The following RALGPS2 variants were observed in gnomAD, a reference collection of about 807,000 sequenced individuals.
The protein encoded by RALGPS2 is ras-specific guanine nucleotide-releasing factor RalGPS2.
RALGPS2 carries 43 observed loss-of-function variants against 86.8 expected under a neutral mutation model. The observed-to-expected ratio is 0.50, with a 90% confidence interval of 0.39 to 0.64. The LOEUF (loss-of-function observed/expected upper bound fraction) is 0.64. RALGPS2 is among the 30% of genes least tolerant of loss of function. The pLI, the probability that RALGPS2 is intolerant of heterozygous loss-of-function variation, is 0.00. For synonymous variants in RALGPS2, 243 were observed against 231.3 expected (o/e 1.05, Z -0.46); for missense variants, 536 against 694.6 (o/e 0.77, Z 2.57).
At chr1:178,761,352 C>T (rs1553260221) in intron 1 of RALGPS2, among the ~76,000 whole-genome samples, 1 of 151,192 alleles carries the variant, frequency 6.6e-6, no homozygotes, top group Non-Finnish European at 1.5e-5. Flanking sequence ...TGGCGTGAAC[C>T]CAGGAGGCAG....
At position 178,918,054 on chromosome 1, in the gene RALGPS2, T is replaced by G. The variant is rs1660869786; in HGVS notation, c.*1695T>G. ...AAAAGAGAAGAGCTTTTTTTGAGTG[T>G]TAAGTTTTTTAATTTAGTATTCTGT... On this transcript the variant is annotated 3_prime_UTR_variant, in exon 20 of 20. Coordinates refer to ENST00000367635, the MANE Select transcript of RALGPS2 (RefSeq NM_152663.5). 6.6e-6 allele frequency: 1 copy of G among 152,188 alleles called. No individual in the cohort carries two copies. Among genetic ancestry groups the G allele is most frequent in the African/African-American group, 2.4e-5 (1 of 41,470 alleles). 9.4% of individuals were successfully genotyped at this position (152,188 alleles called of 1,614,324 possible).
At position 178,746,674 on chromosome 1, in the gene RALGPS2, T is replaced by C. The variant is rs2102033570; in HGVS notation, c.-84+21255T>C. The C allele has an allele frequency of 2.6e-6, 2 of 772,108 alleles. 1 individual carries two copies. The highest frequency in any genetic ancestry group is 4.9e-5 in the East Asian group (2 of 41,038). 47.8% of individuals were successfully genotyped at this position (772,108 alleles called of 1,614,324 possible). A position where few individuals can be genotyped will look rare whatever the true frequency, so the allele number is the denominator to read the frequency against. On this transcript the variant is annotated intron_variant, in intron 1 of 19. Transcript: ENST00000367635. ...TTTATAGCTGCAGAATATTCTCAAG[T>C]CATGAATATTAGGTATCTGTCAATC...
intron 4 of RALGPS2, among the ~76,000 whole-genome samples, chr1:178,803,071 C>G (rs1426591007): frequency 6.6e-6 from 1 of 152,140 alleles, no homozygotes; most frequent in Non-Finnish European, 1.5e-5. Context: ...GTGAAACTTA[C>G]ATTCATTTCT....
At chr1:178,850,371 A>G (rs1285273667) in intron 8 of RALGPS2, 1 of 152,560 alleles carries the variant, frequency 6.6e-6, no homozygotes, top group Non-Finnish European at 1.5e-5. Context: ...TATTTTGCTG[A>G]TTTTAGAACT....
intron 4 of RALGPS2, among the ~76,000 whole-genome samples, chr1:178,790,544 G>A (rs1653902819): frequency 6.6e-6 from 1 of 152,150 alleles, no homozygotes; most frequent in African/African-American, 2.4e-5. Flanking sequence ...CTTAACGCAT[G>A]CTATTGCAGT....
Position 178,737,248 on chromosome 1 carries a change from C to T in RALGPS2, c.-84+11829C>T, listed in dbSNP as rs116457721. 6.1e-3 allele frequency among the ~76,000 whole-genome samples: 935 copies of T among 152,136 alleles called. 10 individuals carry two copies. The highest frequency in any genetic ancestry group is 0.021 in the African/African-American group (892 of 41,506). On this transcript the variant is annotated intron_variant, in intron 1 of 19. Coordinates refer to ENST00000367635, the MANE Select transcript of RALGPS2 (RefSeq NM_152663.5). ...GAAATACATGTATTTCACTGTCTTGCGCCTTTTTTCTTTTTGAGATGAAGT... is the reference window on the plus strand; with the variant it reads ...GAAATACATGTATTTCACTGTCTTGTGCCTTTTTTCTTTTTGAGATGAAGT...
chr1:178,885,289 G>A, intron 12 of RALGPS2, 78 bp downstream of exon 12: 1 of 1,384,098 alleles, frequency 7.2e-7, no homozygotes, highest in Non-Finnish European at 9.8e-7. Flanking sequence ...TAGTTCAGTA[G>A]AAAATGGTAT....
At chr1:178,825,453 G>A (rs921277396) in intron 7 of RALGPS2, among the ~76,000 whole-genome samples, 2 of 152,140 alleles carry the variant, frequency 1.3e-5, no homozygotes, top group Non-Finnish European at 2.9e-5. Flanking sequence ...GAGGGTGGTA[G>A]AAGATAAGAT....
rs546810515 is a variant in RALGPS2, at chr1:178,905,787, T to C, written c.1631-989T>C. Reference sequence around the variant, plus strand: ...TTAATACATATAACCATTTAAAATATCCTCATTATATGTCAGTCTTGAATT... The same window carrying C: ...TTAATACATATAACCATTTAAAATACCCTCATTATATGTCAGTCTTGAATT... On this transcript the variant is annotated intron_variant, in intron 18 of 19. Transcript: ENST00000367635. 1.1e-4 allele frequency among the ~76,000 whole-genome samples: 16 copies of C among 152,328 alleles called. No homozygotes were observed. In the South Asian group the frequency reaches 3.1e-3, roughly 30 times the overall value.
chr1:178,806,769 C>T (rs1218335291), intron 4 of RALGPS2, among the ~76,000 whole-genome samples: 4 of 151,988 alleles, frequency 2.6e-5, no homozygotes, highest in South Asian at 2.1e-4. Flanking sequence ...TGCCCTAACT[C>T]GTTCTCTGCC....
intron 1 of RALGPS2, among the ~76,000 whole-genome samples, chr1:178,765,045 C>G (rs1264376334): frequency 6.6e-6 from 1 of 152,122 alleles, no homozygotes; most frequent in African/African-American, 2.4e-5. Flanking sequence ...CCTTTGCCTT[C>G]TGCCATGATT....
intron 19 of RALGPS2, among the ~76,000 whole-genome samples, chr1:178,914,031 C>T (rs1356743723): frequency 6.6e-6 from 1 of 152,196 alleles, no homozygotes; most frequent in Non-Finnish European, 1.5e-5. Flanking sequence ...GGAAGCTACA[C>T]TGTGTGCCTG....
rs1660882480 is a variant in RALGPS2 at position 178,918,509 on chromosome 1, G to C, written c.*2150G>C. On this transcript the variant is annotated 3_prime_UTR_variant, in exon 20 of 20. Transcript: ENST00000367635. ...CCTGACATCACATAGTTTTGCCAAA[G>C]GGAGAGAGCTAAGCTGGAAGATGTT... The C allele has an allele frequency of 6.6e-6, 1 of 152,084 alleles. No individual in the cohort carries two copies. The highest frequency in any genetic ancestry group is 2.4e-5 in the African/African-American group (1 of 41,446). 9.4% of individuals were successfully genotyped at this position (152,084 alleles called of 1,614,324 possible).
intron 19 of RALGPS2, among the ~76,000 whole-genome samples, chr1:178,909,795 G>A (rs559051437): frequency 2.0e-5 from 3 of 151,616 alleles, no homozygotes; most frequent in Non-Finnish European, 2.9e-5. Flanking sequence ...GAGTACAGGC[G>A]TATGCCACCA....
At chr1:178,876,477 T>G (rs1167271167) in intron 8 of RALGPS2, among the ~76,000 whole-genome samples, 1 of 152,176 alleles carries the variant, frequency 6.6e-6, no homozygotes, top group Non-Finnish European at 1.5e-5. Context: ...TCTTGGAATC[T>G]GTGAGAAAAC....
chr1:178,803,477 A>G (rs1166340088), intron 4 of RALGPS2, among the ~76,000 whole-genome samples: 2 of 152,172 alleles, frequency 1.3e-5, no homozygotes, highest in Non-Finnish European at 2.9e-5. Context: ...TGACATCTTT[A>G]TGTAGTTGTG....
At chr1:178,870,461 A>G (rs895759387) in intron 8 of RALGPS2, among the ~76,000 whole-genome samples, 3 of 152,210 alleles carry the variant, frequency 2.0e-5, no homozygotes, top group African/African-American at 7.2e-5. Context: ...CTGTCACTAA[A>G]GCACTTGTTT....
intron 7 of RALGPS2, among the ~76,000 whole-genome samples, chr1:178,824,589 A>AGGAGATCCAGGCCAGGC (rs1655663203): frequency 2.0e-5 from 3 of 152,120 alleles, no homozygotes; most frequent in Admixed American, 2.0e-4. Flanking sequence ...CGGGCGGATC[A>AGGAGATCCAGGCCAGGC]CAAGGTCAGG....
At chr1:178,753,782 ACTGT>A (rs1041509326) in intron 1 of RALGPS2, 5 of 152,070 alleles carry the variant, frequency 3.3e-5, no homozygotes, top group African/African-American at 1.2e-4. Flanking sequence ...TTAGAGTTGT[ACTGT>A]CTATTGGATG....
Sources: gnomAD v4.1 joint callset for allele counts (sites outside exome capture counted in the v4.1 genomes callset) on GRCh38, gnomAD v4.1.1 for gene constraint, MANE v1.5 for transcripts, NCBI Gene and HGNC (gene_info 2026-07-23, HGNC 2026-07-21) for gene names.